The following GRIK2 variants were observed in gnomAD, a reference collection of about 807,000 sequenced individuals.
The protein encoded by GRIK2 is glutamate ionotropic receptor kainate type subunit 2.
Under a neutral mutation model 100.3 loss-of-function variants are expected in GRIK2, and 32 were observed. The observed-to-expected ratio is 0.32, with a 90% confidence interval of 0.24 to 0.43. The LOEUF is 0.43. GRIK2 is among the 20% of genes least tolerant of loss of function. The probability of loss-of-function intolerance (pLI) is 1.00; values close to 1 mark genes in which losing one functional copy is unlikely to be tolerated. For synonymous variants in GRIK2, 417 were observed against 389.4 expected (o/e 1.07, Z -0.83); for missense variants, 843 against 1,114.9 (o/e 0.76, Z 3.47).
At chr6:101,486,415 A>G (rs992301046) in intron 2 of GRIK2, among the ~76,000 whole-genome samples, 1 of 151,274 alleles carries the variant, frequency 6.6e-6, no homozygotes, top group Admixed American at 6.6e-5. Flanking sequence ...TAAGTAGATT[A>G]TAGAAAGTCT....
chr6:101,714,450 A>G (rs1215812111), intron 7 of GRIK2, among the ~76,000 whole-genome samples: 1 of 146,842 alleles, frequency 6.8e-6, no homozygotes, highest in East Asian at 2.2e-4. Flanking sequence ...TTATTCAGTT[A>G]CCACTTTTGA....
At chr6:101,574,333 GATAA>G (rs1465979886) in intron 2 of GRIK2, among the ~76,000 whole-genome samples, 5 of 145,924 alleles carry the variant, frequency 3.4e-5, no homozygotes, top group Admixed American at 1.4e-4. Flanking sequence ...ATGAATATAT[GATAA>G]ATAAAAATAT....
chr6:101,466,719 G>A (rs2128254272), intron 2 of GRIK2, among the ~76,000 whole-genome samples: 1 of 152,206 alleles, frequency 6.6e-6, no homozygotes, highest in Admixed American at 6.5e-5. Flanking sequence ...GAGGAAAAGA[G>A]GCATCAGCAA....
chr6:101,950,520 A>G (rs1791544345), intron 14 of GRIK2, among the ~76,000 whole-genome samples: 1 of 152,116 alleles, frequency 6.6e-6, no homozygotes, highest in Admixed American at 6.6e-5. Flanking sequence ...TCAGGACCTT[A>G]AATCTGATAC....
intron 2 of GRIK2, among the ~76,000 whole-genome samples, chr6:101,567,663 A>G (rs1038085598): frequency 2.6e-5 from 4 of 151,922 alleles, no homozygotes; most frequent in Non-Finnish European, 4.4e-5. Flanking sequence ...TGAGTTGCCT[A>G]CCTGTTTGGA....
intron 2 of GRIK2, among the ~76,000 whole-genome samples, chr6:101,549,025 A>G (rs1776384662): frequency 6.6e-6 from 1 of 152,122 alleles, no homozygotes; most frequent in African/African-American, 2.4e-5. Context: ...TATCATTTAT[A>G]TCATCAAAGT....
At chr6:102,014,582 G>T (rs745538288) in intron 14 of GRIK2, among the ~76,000 whole-genome samples, 1 of 152,058 alleles carries the variant, frequency 6.6e-6, no homozygotes, top group Non-Finnish European at 1.5e-5. Context: ...GGCATTTAGT[G>T]CTATAAATGT....
intron 14 of GRIK2, among the ~76,000 whole-genome samples, chr6:101,959,823 T>C (rs1310717): frequency 0.028 from 4,236 of 152,166 alleles, 220 homozygotes; most frequent in African/African-American, 0.097. Context: ...GATAACCTAA[T>C]AACTATATGT....
intron 2 of GRIK2, among the ~76,000 whole-genome samples, chr6:101,587,172 CAA>C (rs1241279275): frequency 1.3e-5 from 2 of 151,638 alleles, no homozygotes; most frequent in African/African-American, 2.4e-5. Flanking sequence ...TGAAAAAGAA[CAA>C]AATAGAACTG....
chr6:101,444,684 G>A (rs1770265959), intron 2 of GRIK2, among the ~76,000 whole-genome samples: 1 of 152,080 alleles, frequency 6.6e-6, no homozygotes, highest in South Asian at 2.1e-4. Context: ...TTGAAAATCT[G>A]TACTTTTTCA....
chr6:101,884,713 G>A (rs1786495418), intron 11 of GRIK2, among the ~76,000 whole-genome samples: 1 of 152,190 alleles, frequency 6.6e-6, no homozygotes, highest in South Asian at 2.1e-4. Context: ...TTTATTTCTA[G>A]AGTAAGACTA....
chr6:102,062,494 G>T (rs1771802931), intron 16 of GRIK2, among the ~76,000 whole-genome samples: 1 of 126,200 alleles, frequency 7.9e-6, no homozygotes, highest in Non-Finnish European at 1.8e-5. Flanking sequence ...ATTTTTTCTA[G>T]CTATAAAACT....
intron 7 of GRIK2, among the ~76,000 whole-genome samples, chr6:101,768,806 A>T (rs141550771): frequency 0.01 from 1,562 of 152,294 alleles, 14 homozygotes; most frequent in Non-Finnish European, 0.016. Context: ...GCTCCTTGGC[A>T]TGTATTGTTT....
intron 15 of GRIK2, among the ~76,000 whole-genome samples, chr6:102,038,348 A>ATCATT (rs1770384190): frequency 6.6e-6 from 1 of 151,378 alleles, no homozygotes; most frequent in African/African-American, 2.4e-5. Context: ...ATGTTTTAGT[A>ATCATT]TCATTTCTGA....
intron 2 of GRIK2, among the ~76,000 whole-genome samples, chr6:101,495,378 C>T (rs1216927910): frequency 6.6e-6 from 1 of 151,944 alleles, no homozygotes; most frequent in African/African-American, 2.4e-5. Flanking sequence ...TGGTGGCGGG[C>T]ACCTGTAGTC....
At chr6:101,725,620 C>T (rs1774806161) in intron 7 of GRIK2, among the ~76,000 whole-genome samples, 1 of 151,910 alleles carries the variant, frequency 6.6e-6, no homozygotes, top group Non-Finnish European at 1.5e-5. Context: ...TTTTATGTTA[C>T]AGGTAGCATC....
intron 7 of GRIK2, among the ~76,000 whole-genome samples, chr6:101,745,499 T>C (rs1246081015): frequency 6.6e-6 from 1 of 152,144 alleles, no homozygotes; most frequent in Non-Finnish European, 1.5e-5. Flanking sequence ...GGTATTCTCG[T>C]TGAGATGGAT....
intron 4 of GRIK2, among the ~76,000 whole-genome samples, chr6:101,666,556 C>T (rs1021705794): frequency 3.3e-5 from 5 of 152,192 alleles, no homozygotes; most frequent in Admixed American, 6.5e-5. Context: ...CAAAAGCACT[C>T]TTGTTAGATA....
Position 102,027,068 on chromosome 6 carries a change from A to G in GRIK2, c.2086-8273A>G, listed in dbSNP as rs1424610781. On this transcript the variant is annotated intron_variant, in intron 14 of 16. Transcript: ENST00000369134. ...GGAAATCTCAGCCAGAATCTCTTTT[A>G]CCAAGGGAGACCTTGCTATGAGCAT... Among the ~76,000 whole-genome samples the G allele has an allele frequency of 2.0e-5, 3 of 151,308 alleles. No individual in the cohort carries two copies. In the Admixed American group the frequency reaches 2.0e-4, roughly 10 times the overall value.
Sources: gnomAD v4.1 joint callset for allele counts (sites outside exome capture counted in the v4.1 genomes callset) on GRCh38, gnomAD v4.1.1 for gene constraint, MANE v1.5 for transcripts, NCBI Gene and HGNC (gene_info 2026-07-23, HGNC 2026-07-21) for gene names.